PPP4R3B: variants seen among roughly 807,000 people sequenced by gnomAD.
PPP4R3B encodes protein phosphatase 4 regulatory subunit 3B, also known as serine/threonine-protein phosphatase 4 regulatory subunit 3B.
In PPP4R3B, 52 loss-of-function variants were observed where a neutral mutation model predicts 95.4. That is an observed-to-expected ratio of 0.54 (90% CI 0.44 to 0.69). The LOEUF is 0.69. PPP4R3B is among the 30% of genes least tolerant of loss of function. PPP4R3B has a pLI of 0.00. For missense variants in PPP4R3B, 1,003 were observed against 1,005.9 expected (o/e 1.00, Z 0.04); for synonymous variants, 407 against 343.9 (o/e 1.18, Z -2.03).
intron 12 of PPP4R3B, 136 bp from the exon 13 acceptor site, chr2:55,568,499 ACTC>A (rs1214029009): frequency 1.6e-6 from 1 of 629,980 alleles, no homozygotes; most frequent in Non-Finnish European, 2.4e-6. Flanking sequence ...TAAAAAGTAA[ACTC>A]CTCTAAAATG....
In PPP4R3B at chr2:55,577,300, T is replaced by C. The variant is rs750327702; in HGVS notation, c.1606+15A>G. On this transcript the variant is annotated intron_variant, in intron 11 of 16. Coordinates refer to ENST00000616407, the MANE Select transcript of PPP4R3B (RefSeq NM_001122964.3). ...ATAATTTGCATGTATTCATAAAGTA[T>C]GAATTCATACTTACCGGGACAAATT... The C allele has an allele frequency of 3.2e-6, 5 of 1,553,588 alleles. No individual in the cohort carries two copies. In the South Asian group the frequency reaches 3.8e-5, roughly 12 times the overall value.
At chr2:55,557,955 C>T (rs1379541339) in intron 16 of PPP4R3B, among the ~76,000 whole-genome samples, 1 of 151,982 alleles carries the variant, frequency 6.6e-6, no homozygotes, top group Non-Finnish European at 1.5e-5. Flanking sequence ...AAAGATTCAT[C>T]GACAATAATA....
chr2:55,569,754 G>A (rs560030641), intron 12 of PPP4R3B, among the ~76,000 whole-genome samples: 2 of 152,048 alleles, frequency 1.3e-5, no homozygotes, highest in African/African-American at 4.8e-5. Context: ...ACCGGTCTCC[G>A]CGTCTTGGTG....
At chr2:55,587,348 C>A (rs1690284154) in intron 5 of PPP4R3B, among the ~76,000 whole-genome samples, 1 of 152,246 alleles carries the variant, frequency 6.6e-6, no homozygotes, top group Admixed American at 6.5e-5. Flanking sequence ...TTTTGGGAGG[C>A]TGAGGCAGGC....
chr2:55,573,483 A>T (rs1051301051), intron 12 of PPP4R3B, 136 bp downstream of exon 12: 1 of 800,242 alleles, frequency 1.2e-6, no homozygotes, highest in Admixed American at 3.8e-5. Context: ...CTTGCCCTTT[A>T]AATAAGAACA....
At chr2:55,569,093 C>T (rs965105940) in intron 12 of PPP4R3B, among the ~76,000 whole-genome samples, 2 of 152,010 alleles carry the variant, frequency 1.3e-5, no homozygotes, top group African/African-American at 4.8e-5. Flanking sequence ...TAATAATCCT[C>T]GCTCTACAAT....
At chr2:55,579,354 G>C (rs1438900904) in intron 9 of PPP4R3B, among the ~76,000 whole-genome samples, 1 of 151,766 alleles carries the variant, frequency 6.6e-6, no homozygotes, top group African/African-American at 2.4e-5. Context: ...GCTTTCTTTT[G>C]ATAAGTGTCT....
At chr2:55,580,676 T>C (rs1268055026) in intron 8 of PPP4R3B, among the ~76,000 whole-genome samples, 2 of 152,206 alleles carry the variant, frequency 1.3e-5, no homozygotes, top group Non-Finnish European at 2.9e-5. Context: ...TGGAAAATAA[T>C]GTCTATGGCT....
intron 3 of PPP4R3B, among the ~76,000 whole-genome samples, chr2:55,601,875 T>C (rs906414975): frequency 5.9e-5 from 9 of 152,324 alleles, no homozygotes; most frequent in Non-Finnish European, 1.0e-4. Flanking sequence ...AGTTAAAGCT[T>C]CCTGAGGATG....
At chr2:55,579,651 T>G in intron 9 of PPP4R3B, 28 bp downstream of exon 9, 1 of 1,424,442 alleles carries the variant, frequency 7.0e-7, no homozygotes, top group South Asian at 1.5e-5. Context: ...AAAACAGAAA[T>G]CACAGCAGAT....
At chr2:55,582,955 C>T (rs984617621) in intron 7 of PPP4R3B, among the ~76,000 whole-genome samples, 1 of 151,990 alleles carries the variant, frequency 6.6e-6, no homozygotes, top group African/African-American at 2.4e-5. Flanking sequence ...GACATTATTG[C>T]TAAATTTACC....
intron 4 of PPP4R3B, among the ~76,000 whole-genome samples, chr2:55,596,735 G>C (rs537416798): frequency 1.9e-3 from 294 of 152,326 alleles, no homozygotes; most frequent in African/African-American, 6.6e-3. Context: ...GGCCAAGGCG[G>C]GCGGATCACC....
intron 5 of PPP4R3B, among the ~76,000 whole-genome samples, chr2:55,587,235 G>A (rs1690269215): frequency 1.3e-5 from 2 of 152,222 alleles, no homozygotes; most frequent in Admixed American, 6.5e-5. Context: ...TTAATGGGGT[G>A]CCAGTTTTTA....
chr2:55,589,844 AG>A (rs1690717183), intron 4 of PPP4R3B, among the ~76,000 whole-genome samples: 1 of 148,284 alleles, frequency 6.7e-6, no homozygotes, highest in South Asian at 2.1e-4. Context: ...TGAACCCGGG[AG>A]GGGGAGCTTG....
At chr2:55,560,778 GAAAAAAAAAAAAAAA>G (rs545517387) in intron 15 of PPP4R3B, among the ~76,000 whole-genome samples, 1,478 of 91,448 alleles carry the variant, frequency 0.016, 19 homozygotes, top group Non-Finnish European at 0.018. Flanking sequence ...CTCCATCTCA[GAAAAAAAAAAAAAAA>G]AAAAAAAAAA....
chr2:55,578,072 C>G (rs1280416367), intron 10 of PPP4R3B, among the ~76,000 whole-genome samples, 175 bp downstream of exon 10: 2 of 151,972 alleles, frequency 1.3e-5, no homozygotes, highest in African/African-American at 2.4e-5. Flanking sequence ...TCAATATGAA[C>G]AGGTATCAAT....
At chr2:55,604,523 T>C (rs1693108125) in intron 2 of PPP4R3B, among the ~76,000 whole-genome samples, 1 of 149,042 alleles carries the variant, frequency 6.7e-6, no homozygotes, top group Non-Finnish European at 1.5e-5. Flanking sequence ...TATTTTTGCC[T>C]TTTTTTTTTA....
In PPP4R3B at chr2:55,548,971, T is replaced by A. The variant is rs1197791159; in HGVS notation, c.*940A>T. The A allele has an allele frequency of 6.6e-6, 1 of 152,636 alleles. No homozygotes were observed. Among genetic ancestry groups the A allele is most frequent in the Admixed American group, 6.5e-5 (1 of 15,286 alleles). 9.5% of individuals were successfully genotyped at this position (152,636 alleles called of 1,614,324 possible). On this transcript the variant is annotated 3_prime_UTR_variant, in exon 17 of 17. Coordinates refer to ENST00000616407, the MANE Select transcript of PPP4R3B (RefSeq NM_001122964.3). ...TTTGACACTTAAGTAGCTTCTTGGA[T>A]CAAAATGGCTTCTAGATACTAAATG...
chr2:55,564,642 A>G (rs1574707790), intron 14 of PPP4R3B, 145 bp from the exon 15 acceptor site: 1 of 804,470 alleles, frequency 1.2e-6, no homozygotes, highest in East Asian at 2.8e-5. Flanking sequence ...GTAATGATAG[A>G]AGATGTAGCC....
Sources: allele counts gnomAD v4.1 joint callset (sites outside exome capture counted in the v4.1 genomes callset), GRCh38; gene constraint gnomAD v4.1.1; transcripts MANE v1.5; gene names NCBI Gene and HGNC (gene_info 2026-07-23, HGNC 2026-07-21).